INO80: variants seen among roughly 807,000 people sequenced by gnomAD.
The protein encoded by INO80 is chromatin-remodeling ATPase INO80.
Under a neutral mutation model 203.4 loss-of-function variants are expected in INO80, and 20 were observed. The ratio of observed to expected loss-of-function variants is 0.10; its 90% CI spans 0.07 to 0.14. The LOEUF is 0.14. Ranked by LOEUF, INO80 falls within the 10% of genes least tolerant of loss-of-function variation. The pLI, the probability that INO80 is intolerant of heterozygous loss-of-function variation, is 1.00. For missense variants in INO80, 1,419 were observed against 1,914.4 expected (o/e 0.74, Z 4.83); for synonymous variants, 726 against 685.2 (o/e 1.06, Z -0.93).
At chr15:41,056,222 A>G (rs1330418773) in intron 17 of INO80, among the ~76,000 whole-genome samples, 3 of 152,060 alleles carry the variant, frequency 2.0e-5, no homozygotes, top group African/African-American at 7.2e-5. Context: ...TTGGGATTAC[A>G]GGCATGAGCA....
chr15:41,095,684 CA>C lies in INO80; in HGVS notation c.314-17del. ...CATTTTGATTCTGTATAAAGAAACA[CA>C]AAGAATAAAAAAATTAAAGGATGAC... On this transcript the variant is annotated splice_polypyrimidine_tract_variant and intron_variant, in intron 3 of 35. Transcript: ENST00000648947. 6.2e-7 allele frequency: 1 copy of C among 1,607,402 alleles called. No homozygotes were observed. Among genetic ancestry groups the C allele is most frequent in the Non-Finnish European group, 8.5e-7 (1 of 1,174,680 alleles).
intron 9 of INO80, 51 bp from the exon 10 acceptor site, chr15:41,074,616 G>C: frequency 7.6e-7 from 1 of 1,310,800 alleles, no homozygotes; most frequent in Non-Finnish European, 1.1e-6. Flanking sequence ...TGATATCCAA[G>C]AAGTAGTCCA....
intron 21 of INO80, 98 bp downstream of exon 21, chr15:41,049,189 G>T: frequency 3.0e-6 from 3 of 984,292 alleles, no homozygotes; most frequent in Non-Finnish European, 4.4e-6. Flanking sequence ...ATGTCTCATT[G>T]CTGGGAACTC....
At chr15:41,105,737 GCTA>G (rs1350828769) in intron 1 of INO80, among the ~76,000 whole-genome samples, 14 of 151,932 alleles carry the variant, frequency 9.2e-5, no homozygotes, top group African/African-American at 3.4e-4. Flanking sequence ...CTTTAATTTT[GCTA>G]CTCAAATTGT....
intron 24 of INO80, among the ~76,000 whole-genome samples, chr15:41,034,031 C>CA (rs1385119428): frequency 6.6e-6 from 1 of 152,108 alleles, no homozygotes; most frequent in African/African-American, 2.4e-5. Flanking sequence ...CACTGCACTC[C>CA]AGTCTTGGTG....
At chr15:41,014,544 T>C (rs2044176319) in intron 27 of INO80, among the ~76,000 whole-genome samples, 1 of 152,202 alleles carries the variant, frequency 6.6e-6, no homozygotes, top group Non-Finnish European at 1.5e-5. Context: ...CACAACAGCT[T>C]AATCACCTCT....
chr15:41,060,326 C>T (rs969960277), intron 14 of INO80, among the ~76,000 whole-genome samples: 2 of 152,158 alleles, frequency 1.3e-5, no homozygotes, highest in South Asian at 2.1e-4. Flanking sequence ...TGGTAGCTCA[C>T]GCCTGTAATC....
At chr15:40,994,368 TTTTG>T (rs1248399304) in intron 29 of INO80, among the ~76,000 whole-genome samples, 2 of 152,096 alleles carry the variant, frequency 1.3e-5, no homozygotes, top group Admixed American at 6.6e-5. Context: ...ATTATCAGTT[TTTTG>T]TTTGTTTTTG....
At position 41,087,448 on chromosome 15, in the gene INO80, T is replaced by TAAAGCAAATTTCTACCATATGGAC. The variant is rs1484201315; in HGVS notation, c.658+90_658+113dup. ...TAATTAGAAAGGAGAGTTTTTCAGA[T>TAAAGCAAATTTCTACCATATGGAC]AAAGCAAATTTCTACCATATGGACT... is the stretch of plus-strand genomic sequence containing the variant. On this transcript the variant is annotated intron_variant, in intron 6 of 35. Transcript: ENST00000648947. 150 of 1,156,826 alleles carry TAAAGCAAATTTCTACCATATGGAC rather than the reference T, an allele frequency of 1.3e-4. No homozygotes were observed. The African/African-American group carries it at 2.2e-3, about 17-fold the overall frequency. 71.7% of individuals were successfully genotyped at this position (1,156,826 alleles called of 1,614,324 possible). A position where few individuals can be genotyped will look rare whatever the true frequency, so the allele number is the denominator to read the frequency against.
At chr15:41,064,963 C>T (rs895471530) in intron 14 of INO80, among the ~76,000 whole-genome samples, 2 of 151,996 alleles carry the variant, frequency 1.3e-5, no homozygotes, top group Admixed American at 6.6e-5. Context: ...CATGTCACTG[C>T]ACTCCAGCCT....
chr15:40,988,058 G>A (rs896073173), intron 29 of INO80, 84 bp from the exon 30 acceptor site: 18 of 1,199,616 alleles, frequency 1.5e-5, no homozygotes, highest in Middle Eastern at 4.2e-4. Flanking sequence ...GTCTGTTTGC[G>A]AGTTTGGCGT....
At chr15:41,050,148 G>C (rs1262101625) in intron 19 of INO80, 46 bp from the exon 20 acceptor site, 1 of 1,412,730 alleles carries the variant, frequency 7.1e-7, no homozygotes, top group African/African-American at 1.4e-5. Context: ...TAGTTTTTAA[G>C]AAAATTCAGC....
intron 1 of INO80, among the ~76,000 whole-genome samples, chr15:41,112,458 T>G (rs1596335655): frequency 6.6e-6 from 1 of 152,160 alleles, no homozygotes; most frequent in East Asian, 1.9e-4. Context: ...TAGCCTATCA[T>G]ATCAAGATTT....
intron 29 of INO80, among the ~76,000 whole-genome samples, chr15:40,996,896 C>T (rs2140426550): frequency 6.6e-6 from 1 of 152,288 alleles, no homozygotes; most frequent in South Asian, 2.1e-4. Flanking sequence ...TTTTTCCAGT[C>T]TGTTTTCCCT....
At chr15:41,093,596 G>A (rs527911895) in intron 4 of INO80, among the ~76,000 whole-genome samples, 1 of 152,208 alleles carries the variant, frequency 6.6e-6, no homozygotes, top group African/African-American at 2.4e-5. Flanking sequence ...AGGCACGGTG[G>A]CTCACACCTG....
intron 7 of INO80, among the ~76,000 whole-genome samples, chr15:41,083,605 T>G (rs1022580942): frequency 6.6e-6 from 1 of 151,054 alleles, no homozygotes; most frequent in African/African-American, 2.4e-5. Context: ...ACTCAGCTAC[T>G]TGGGAGGCAG....
At chr15:41,064,488 T>C (rs1035944645) in intron 14 of INO80, among the ~76,000 whole-genome samples, 2 of 152,144 alleles carry the variant, frequency 1.3e-5, no homozygotes, top group South Asian at 2.1e-4. Flanking sequence ...CAAGTGATCA[T>C]CCCACCTAGA....
At chr15:41,066,833 A>G (rs980802965) in intron 14 of INO80, among the ~76,000 whole-genome samples, 380 of 4,332 alleles carry the variant, frequency 0.088, 1 homozygote, top group Middle Eastern at 0.5. Flanking sequence ...GTCTCTAAGA[A>G]AAAAAAAAAA....
chr15:40,989,657 G>A (rs1259771118), intron 29 of INO80, among the ~76,000 whole-genome samples: 1 of 152,104 alleles, frequency 6.6e-6, no homozygotes. Context: ...CTACCACTGT[G>A]GGCCACTCCA....
Sources: allele counts gnomAD v4.1 joint callset (sites outside exome capture counted in the v4.1 genomes callset), GRCh38; gene constraint gnomAD v4.1.1; transcripts MANE v1.5; gene names NCBI Gene and HGNC (gene_info 2026-07-23, HGNC 2026-07-21).